Variants in EYS observed in about 807,000 individuals in gnomAD.
EYS encodes EGF-like photoreceptor maintenance factor.
In EYS, 250 loss-of-function variants were observed where a neutral mutation model predicts 282.1. That is an observed-to-expected ratio of 0.89 (90% CI 0.80 to 0.98). The LOEUF is 0.98. Ranked by LOEUF, EYS falls within the 50% of genes least tolerant of loss-of-function variation. The pLI is 0.00. For missense variants in EYS, 4,016 were observed against 3,709.0 expected, an observed-to-expected ratio of 1.08 and a Z score of -2.15; for synonymous variants, 1,355 against 1,282.9, an observed-to-expected ratio of 1.06 and a Z score of -1.20.
At chr6:64,939,752 T>C (rs1378216987) in intron 15 of EYS, among the ~76,000 whole-genome samples, 5 of 151,924 alleles carry the variant, frequency 3.3e-5, no homozygotes, top group Non-Finnish European at 7.4e-5. Context: ...TAGCTTCTGA[T>C]AGCCAGGATA....
chr6:63,920,713 T>A (rs190600723), intron 35 of EYS, among the ~76,000 whole-genome samples: 19 of 152,308 alleles, frequency 1.2e-4, no homozygotes, highest in African/African-American at 4.6e-4. Flanking sequence ...TTTTGAGTTT[T>A]CAGAAAACAA....
At chr6:64,606,917 G>A (rs570635208) in intron 24 of EYS, among the ~76,000 whole-genome samples, 31 of 152,132 alleles carry the variant, frequency 2.0e-4, no homozygotes, top group African/African-American at 6.0e-4. Context: ...TGTGTTGTAC[G>A]TCAGTATCCC....
At chr6:64,097,762 C>T (rs532930485) in intron 31 of EYS, among the ~76,000 whole-genome samples, 27 of 152,168 alleles carry the variant, frequency 1.8e-4, no homozygotes, top group African/African-American at 6.5e-4. Context: ...TTGTCATGAT[C>T]ATTGTATTGT....
intron 12 of EYS, among the ~76,000 whole-genome samples, chr6:65,120,289 A>G (rs755755318): frequency 1.1e-4 from 16 of 151,840 alleles, no homozygotes; most frequent in Non-Finnish European, 2.1e-4. Context: ...GGTTTAAATC[A>G]GAAAACATAC....
intron 26 of EYS, among the ~76,000 whole-genome samples, chr6:64,516,045 T>C (rs1221969834): frequency 1.3e-5 from 2 of 151,828 alleles, no homozygotes; most frequent in African/African-American, 4.8e-5. Context: ...ACATCAAACA[T>C]TCTGAATTTA....
At chr6:64,810,374 C>T (rs370249190) in intron 22 of EYS, among the ~76,000 whole-genome samples, 1 of 151,878 alleles carries the variant, frequency 6.6e-6, no homozygotes, top group Non-Finnish European at 1.5e-5. Context: ...GAAAAAAGAC[C>T]ATTCCTTGGT....
At chr6:65,490,549 T>C in intron 5 of EYS, 45 bp downstream of exon 5, 1 of 1,013,576 alleles carries the variant, frequency 9.9e-7, no homozygotes, top group South Asian at 1.4e-5. Flanking sequence ...ATAGATAAAA[T>C]TAAAGTTACT....
At chr6:65,268,539 T>A (rs1767817037) in intron 12 of EYS, among the ~76,000 whole-genome samples, 1 of 151,924 alleles carries the variant, frequency 6.6e-6, no homozygotes, top group Non-Finnish European at 1.5e-5. Flanking sequence ...AAAATAGAGA[T>A]CACAAGAGCA....
At chr6:64,643,168 A>C (rs796076805) in intron 22 of EYS, among the ~76,000 whole-genome samples, 4 of 149,658 alleles carry the variant, frequency 2.7e-5, no homozygotes, top group African/African-American at 9.7e-5. Context: ...AACTCCTCTT[A>C]GTTGGTCCAA....
chr6:63,976,698 T>C (rs1377138465), intron 35 of EYS, among the ~76,000 whole-genome samples: 2 of 152,194 alleles, frequency 1.3e-5, no homozygotes, highest in Non-Finnish European at 2.9e-5. Context: ...GAATCTTTGG[T>C]ATGTGGTTTA....
chr6:64,272,693 A>G (rs1179776702), intron 30 of EYS, among the ~76,000 whole-genome samples: 1 of 152,158 alleles, frequency 6.6e-6, no homozygotes, highest in Non-Finnish European at 1.5e-5. Flanking sequence ...ATTGTATTAA[A>G]TATATATGTA....
chr6:65,364,652 T>C (rs1764845182), intron 8 of EYS, among the ~76,000 whole-genome samples: 1 of 151,614 alleles, frequency 6.6e-6, no homozygotes, highest in Non-Finnish European at 1.5e-5. Context: ...TTTAACGAGA[T>C]AGTTCAGGGA....
At chr6:65,527,330 A>C (rs2127304053) in intron 2 of EYS, among the ~76,000 whole-genome samples, 1 of 152,338 alleles carries the variant, frequency 6.6e-6, no homozygotes, top group South Asian at 2.1e-4. Context: ...ATACTGGGGT[A>C]TGACTCACGT....
intron 33 of EYS, among the ~76,000 whole-genome samples, chr6:64,013,255 T>C (rs1008099508): frequency 6.6e-6 from 1 of 152,186 alleles, no homozygotes; most frequent in Non-Finnish European, 1.5e-5. Flanking sequence ...TGATTTTCTT[T>C]CCGACTACGC....
intron 42 of EYS, 48 bp downstream of exon 42, chr6:63,726,471 T>TA: frequency 6.7e-7 from 1 of 1,486,710 alleles, no homozygotes; most frequent in South Asian, 1.3e-5. Flanking sequence ...CATTACTTAA[T>TA]AGACTATTAG....
rs182888206 is a variant in EYS at position 64,978,628 on chromosome 6, A to G, written c.2259+18954T>C. ...CTGTAGATAGTAATTTCTCTGATGG[A>G]TCTGGGATAAATAAATAAAAATCCT... is the stretch of plus-strand genomic sequence containing the variant. On this transcript the variant is annotated intron_variant, in intron 14 of 42. Transcript: ENST00000503581. Among the ~76,000 whole-genome samples, 6 of 152,066 alleles carry G rather than the reference A, an allele frequency of 3.9e-5. No individual in the cohort carries two copies. The East Asian group carries it at 1.2e-3, about 30-fold the overall frequency.
chr6:64,137,279 C>T (rs1582324182), intron 31 of EYS, among the ~76,000 whole-genome samples: 1 of 152,158 alleles, frequency 6.6e-6, no homozygotes, highest in Non-Finnish European at 1.5e-5. Flanking sequence ...TTGGTTTGAT[C>T]CATCTGGACC....
At chr6:65,458,461 C>G (rs1338827975) in intron 5 of EYS, among the ~76,000 whole-genome samples, 1 of 152,118 alleles carries the variant, frequency 6.6e-6, no homozygotes, top group Non-Finnish European at 1.5e-5. Flanking sequence ...TCCTAGCTGT[C>G]AAATAAAGAC....
intron 26 of EYS, among the ~76,000 whole-genome samples, chr6:64,451,627 C>T (rs1433606574): frequency 3.3e-5 from 5 of 152,048 alleles, no homozygotes; most frequent in South Asian, 2.1e-4. Context: ...ACTGGCAAAC[C>T]GAATCCAGCA....
Sources: allele counts gnomAD v4.1 joint callset (sites outside exome capture counted in the v4.1 genomes callset), GRCh38; gene constraint gnomAD v4.1.1; transcripts MANE v1.5; gene names NCBI Gene and HGNC (gene_info 2026-07-23, HGNC 2026-07-21).